The following PLPP1 variants were observed in gnomAD, a reference collection of about 807,000 sequenced individuals.
PLPP1 encodes the protein lipid phosphate phosphohydrolase 1a.
PLPP1 carries 24 observed loss-of-function variants against 31.2 expected under a neutral mutation model. The observed-to-expected ratio is 0.77, with a 90% CI of 0.56 to 1.08. The LOEUF is 1.08. Among genes scored for constraint, PLPP1 ranks in the 50% least tolerant of loss-of-function variants. The probability of loss-of-function intolerance (pLI) is 0.00; values close to 1 mark genes in which losing one functional copy is unlikely to be tolerated. For missense variants in PLPP1, 319 were observed against 342.7 expected (o/e 0.93, Z 0.55); for synonymous variants, 146 against 126.3 (o/e 1.16, Z -1.05).
At chr5:55,518,755 T>G (rs1192193808) in intron 1 of PLPP1, among the ~76,000 whole-genome samples, 1 of 152,234 alleles carries the variant, frequency 6.6e-6, no homozygotes, top group Admixed American at 6.5e-5. Flanking sequence ...ACTACCTGAA[T>G]CCATTGGTGT....
In PLPP1 at chr5:55,534,649, C is replaced by G. The variant is rs564608725; in HGVS notation, c.-20G>C. 174 of 1,538,360 alleles carry G rather than the reference C, an allele frequency of 1.1e-4. 3 individuals are homozygous for G. The South Asian group carries it at 2.1e-3, about 18-fold the overall frequency. ...AAACATGGTCTCTGCCCGGGCTGCC[C>G]GGCAAGGGCGATGGACTGAGCTGCG... On this transcript the variant is annotated 5_prime_UTR_variant, in exon 1 of 6. Coordinates refer to ENST00000307259, the MANE Select transcript of PLPP1 (RefSeq NM_003711.4).
At chr5:55,427,101 AAAAG>A (rs1751220863) in intron 4 of PLPP1, among the ~76,000 whole-genome samples, 1 of 150,770 alleles carries the variant, frequency 6.6e-6, no homozygotes, top group African/African-American at 2.4e-5. Context: ...AAAAAAAAAA[AAAAG>A]AAAACTACCT....
chr5:55,499,297 C>T, intron 1 of PLPP1, among the ~76,000 whole-genome samples: 1 of 152,310 alleles, frequency 6.6e-6, no homozygotes, highest in East Asian at 1.9e-4. Context: ...TCCACATCCT[C>T]AGAGTTAGCA....
chr5:55,504,419 G>C (rs1355705342), intron 1 of PLPP1, among the ~76,000 whole-genome samples: 1 of 149,982 alleles, frequency 6.7e-6, no homozygotes, highest in Non-Finnish European at 1.5e-5. Flanking sequence ...CTACTTGGGA[G>C]GCTGAGGCAG....
intron 3 of PLPP1, among the ~76,000 whole-genome samples, chr5:55,456,590 A>G (rs1752018694): frequency 6.6e-6 from 1 of 152,152 alleles, no homozygotes; most frequent in Admixed American, 6.5e-5. Context: ...GATTTTTTGC[A>G]TTTTTAGCTT....
chr5:55,522,628 A>G (rs1753694495), intron 1 of PLPP1, among the ~76,000 whole-genome samples: 1 of 152,242 alleles, frequency 6.6e-6, no homozygotes, highest in African/African-American at 2.4e-5. Flanking sequence ...CTGAAACTAC[A>G]TCATAACTAG....
chr5:55,490,808 G>A (rs1752872576), intron 1 of PLPP1: 1 of 808,198 alleles, frequency 1.2e-6, no homozygotes. Context: ...CACTGCCTCT[G>A]GACTAAAACA....
intron 2 of PLPP1, among the ~76,000 whole-genome samples, chr5:55,473,338 C>T (rs1264946325): frequency 6.6e-6 from 1 of 152,150 alleles, no homozygotes; most frequent in Non-Finnish European, 1.5e-5. Flanking sequence ...ATTCAGGCAC[C>T]TAGGACATGC....
chr5:55,467,843 A>G, intron 3 of PLPP1, 26 bp downstream of exon 3: 1 of 1,579,392 alleles, frequency 6.3e-7, no homozygotes, highest in Non-Finnish European at 8.6e-7. Flanking sequence ...ACAAGATTAA[A>G]CAAGCATTAG....
In PLPP1 at chr5:55,425,320, C is replaced by G. The variant is rs143095107; in HGVS notation, c.741G>C (p.Ser247=). The change falls in exon 6 of 6, where the codon TCG becomes TCC. Residue 247 remains serine, a synonymous_variant. Coordinates refer to ENST00000307259, the MANE Select transcript of PLPP1 (RefSeq NM_003711.4). ...LVAILVAVYV[S]DFFKERTSFK... is the part of the protein sequence containing the mutation. Reference sequence around the variant, plus strand: ...AAGAAGTTCTTTCTTTGAAGAAATCCGATACATATACAGCCTACAGTGCAA... The same window carrying G: ...AAGAAGTTCTTTCTTTGAAGAAATCGGATACATATACAGCCTACAGTGCAA... 6.2e-7 allele frequency: 1 copy of G among 1,603,072 alleles called. No homozygotes were observed. The highest frequency in any genetic ancestry group is 1.1e-5 in the South Asian group (1 of 90,688).
In PLPP1 at chr5:55,468,230, A is replaced by C; in HGVS notation, c.211-81T>G. The C allele has an allele frequency of 3.9e-6, 5 of 1,291,886 alleles. No homozygotes were observed. The South Asian group carries it at 7.4e-5, about 19-fold the overall frequency. 80.0% of individuals were successfully genotyped at this position (1,291,886 alleles called of 1,614,324 possible). A position where few individuals can be genotyped will look rare whatever the true frequency, so the allele number is the denominator to read the frequency against. ...AAACAAAACATAGGGGGAAAAAAGGAAATGGTAAATCGCAAAAATATCTTT... is the reference window on the plus strand; with the variant it reads ...AAACAAAACATAGGGGGAAAAAAGGCAATGGTAAATCGCAAAAATATCTTT... On this transcript the variant is annotated intron_variant, in intron 2 of 5. Transcript: ENST00000307259.
chr5:55,431,552 G>T (rs75749543), intron 4 of PLPP1, among the ~76,000 whole-genome samples: 1 of 118,220 alleles, frequency 8.5e-6, no homozygotes, highest in Admixed American at 8.7e-5. Flanking sequence ...ATAAATTAAA[G>T]GAATAAAAAA....
chr5:55,462,343 G>C (rs542628796), intron 3 of PLPP1, among the ~76,000 whole-genome samples: 3 of 152,308 alleles, frequency 2.0e-5, no homozygotes, highest in East Asian at 3.9e-4. Context: ...CCACATTTAT[G>C]TGGTCAATTC....
chr5:55,443,190 A>T (rs796929898), intron 3 of PLPP1, among the ~76,000 whole-genome samples: 237 of 20,386 alleles, frequency 0.012, no homozygotes, highest in South Asian at 0.02. Flanking sequence ...AAAAAAAAAA[A>T]AAATATATAT....
chr5:55,434,797 A>G (rs1449156414), intron 4 of PLPP1, among the ~76,000 whole-genome samples: 1 of 152,222 alleles, frequency 6.6e-6, no homozygotes, highest in Non-Finnish European at 1.5e-5. Context: ...CTGAAACGAT[A>G]AAACTAATCA....
chr5:55,487,808 C>T (rs1409291230), intron 1 of PLPP1, among the ~76,000 whole-genome samples: 5 of 152,112 alleles, frequency 3.3e-5, no homozygotes, highest in Non-Finnish European at 5.9e-5. Context: ...CAGAAACTGG[C>T]CAAATACTAC....
At position 55,439,243 on chromosome 5, in the gene PLPP1, G is replaced by A. The variant is rs146878115; in HGVS notation, c.549+2608C>T. ...CAAACTGGGAGCCTGACTCAGGAAT[G>A]TGCTTCTGTAACAGCAGCTGAGTCT... On this transcript the variant is annotated intron_variant, in intron 4 of 5. Transcript: ENST00000307259. Among the ~76,000 whole-genome samples the A allele has an allele frequency of 3.9e-5, 6 of 152,300 alleles. No homozygotes were observed. The East Asian group carries it at 1.2e-3, about 29-fold the overall frequency.
At chr5:55,492,165 C>T (rs1038852478) in intron 1 of PLPP1, among the ~76,000 whole-genome samples, 9 of 152,052 alleles carry the variant, frequency 5.9e-5, no homozygotes, top group African/African-American at 2.2e-4. Context: ...TTGTTTTATA[C>T]AAACTCACTC....
intron 1 of PLPP1, among the ~76,000 whole-genome samples, chr5:55,509,480 C>T (rs1038338776): frequency 4.6e-5 from 7 of 152,070 alleles, no homozygotes; most frequent in Non-Finnish European, 7.4e-5. Flanking sequence ...AAAAGTTCTT[C>T]GTTATCTTTT....
Sources: gnomAD v4.1 joint callset for allele counts (sites outside exome capture counted in the v4.1 genomes callset) on GRCh38, gnomAD v4.1.1 for gene constraint, MANE v1.5 for transcripts, NCBI Gene and HGNC (gene_info 2026-07-23, HGNC 2026-07-21) for gene names.